Variants in CNIH3 observed in about 807,000 individuals in gnomAD.
CNIH3 encodes cornichon family AMPA receptor auxiliary protein 3.
Under a neutral mutation model 24.1 loss-of-function variants are expected in CNIH3, and 14 were observed. The ratio of observed to expected loss-of-function variants is 0.58; its 90% CI spans 0.38 to 0.91. CNIH3 has a LOEUF of 0.91. Ranked by LOEUF, CNIH3 falls within the 40% of genes least tolerant of loss-of-function variation. The pLI is 0.00. For synonymous variants in CNIH3, 68 were observed against 73.8 expected (o/e 0.92, Z 0.40); for missense variants, 178 against 196.8 (o/e 0.90, Z 0.57).
At chr1:224,453,319 A>G (rs898198717) in intron 1 of CNIH3, among the ~76,000 whole-genome samples, 3 of 151,276 alleles carry the variant, frequency 2.0e-5, no homozygotes, top group African/African-American at 7.3e-5. Context: ...AGCTGGGTCC[A>G]CAGACATGAG....
intron 3 of CNIH3, among the ~76,000 whole-genome samples, chr1:224,727,031 C>T (rs969483651): frequency 1.3e-5 from 2 of 152,184 alleles, no homozygotes; most frequent in Admixed American, 6.5e-5. Flanking sequence ...GGAGGGAACG[C>T]CTGGTCTGAC....
At chr1:224,686,797 A>G (rs373779290) in intron 3 of CNIH3, among the ~76,000 whole-genome samples, 1 of 152,368 alleles carries the variant, frequency 6.6e-6, no homozygotes, top group East Asian at 1.9e-4. Context: ...TGTGGCCCAC[A>G]GACTTGCAGC....
At chr1:224,665,016 A>G (rs1431047026) in intron 1 of CNIH3, 1 of 151,918 alleles carries the variant, frequency 6.6e-6, no homozygotes, top group Non-Finnish European at 1.5e-5. Context: ...TCTAATTTTT[A>G]TTTTCAATTA....
intron 1 of CNIH3, among the ~76,000 whole-genome samples, chr1:224,639,591 T>C (rs538983533): frequency 1.6e-4 from 25 of 152,312 alleles, no homozygotes; most frequent in Admixed American, 1.4e-3. Flanking sequence ...CATCTTAACA[T>C]ATGTCCCTGA....
chr1:224,590,655 G>A (rs1216804687), downstream of CNIH3, among the ~76,000 whole-genome samples: 1 of 152,182 alleles, frequency 6.6e-6, no homozygotes, highest in Non-Finnish European at 1.5e-5. Flanking sequence ...ATCTATTCAT[G>A]AGGGTGGAGC....
At chr1:224,459,691 C>T (rs1340280135) in intron 1 of CNIH3, among the ~76,000 whole-genome samples, 14 of 151,840 alleles carry the variant, frequency 9.2e-5, no homozygotes, top group Non-Finnish European at 2.9e-5. Context: ...ATGGGGGTAG[C>T]GATGTGGAGG....
intron 3 of CNIH3, among the ~76,000 whole-genome samples, chr1:224,597,754 C>G (rs959386261): frequency 3.3e-5 from 5 of 152,206 alleles, no homozygotes; most frequent in Non-Finnish European, 5.9e-5. Context: ...ATAAGAGTTT[C>G]CATGAGTTCT....
downstream of CNIH3, among the ~76,000 whole-genome samples, chr1:224,542,131 T>A (rs60575204): frequency 3.5e-4 from 53 of 152,366 alleles, no homozygotes; most frequent in East Asian, 5.0e-3. Context: ...TTGGCCAGAA[T>A]CTTTCCTATT....
In CNIH3 at chr1:224,486,966, G is replaced by A. The variant is rs570336059; in HGVS notation, n.204-28775G>A. 3.3e-5 allele frequency among the ~76,000 whole-genome samples: 5 copies of A among 152,270 alleles called. No homozygotes were observed. The South Asian group carries it at 6.2e-4, about 19-fold the overall frequency. On this transcript the variant is annotated intron_variant and non_coding_transcript_variant, in intron 1 of 5. Coordinates refer to the CNIH3 transcript ENST00000471578. ...GCTCCGGATGGACTAAAACACTGAC[G>A]AAAGTCACGTAAAGAGCCAGTGACA...
chr1:224,525,721 T>C (rs1463941017), intron 2 of CNIH3, among the ~76,000 whole-genome samples: 1 of 152,044 alleles, frequency 6.6e-6, no homozygotes, highest in African/African-American at 2.4e-5. Context: ...TCAGTCTGAG[T>C]CACAAGTAGG....
intron 1 of CNIH3, among the ~76,000 whole-genome samples, chr1:224,628,826 A>G (rs1558229939): frequency 6.6e-6 from 1 of 151,980 alleles, no homozygotes; most frequent in Non-Finnish European, 1.5e-5. Flanking sequence ...ACTAGCATTT[A>G]ACATCAACAC....
At chr1:224,652,010 G>T (rs753772522) in intron 1 of CNIH3, among the ~76,000 whole-genome samples, 2 of 152,126 alleles carry the variant, frequency 1.3e-5, no homozygotes, top group Non-Finnish European at 2.9e-5. Flanking sequence ...TCCATTAGGT[G>T]TAAAATGATA....
intron 1 of CNIH3, among the ~76,000 whole-genome samples, chr1:224,666,900 CAT>C (rs1379482452): frequency 2.0e-5 from 3 of 152,186 alleles, no homozygotes; most frequent in Non-Finnish European, 4.4e-5. Context: ...ATGCGGTTGA[CAT>C]ATGCCTGCTG....
Position 224,704,185 on chromosome 1 carries a change from G to GCAGGA in CNIH3, c.198+19344_198+19348dup, listed in dbSNP as rs1268608916. ...GTGAGCAGGCTGCATCACCTACAGA[G>GCAGGA]CAGGACCTCCATGAGTCTCAGGTCA... is the stretch of plus-strand genomic sequence containing the variant. On this transcript the variant is annotated intron_variant, in intron 3 of 5. Transcript: ENST00000272133. The surrounding 1 kb of genome is among the most constrained non-coding windows in gnomAD (Gnocchi z 4.2). Among the ~76,000 whole-genome samples, 1 of 152,158 alleles carries GCAGGA rather than the reference G, an allele frequency of 6.6e-6. No homozygotes were observed. The highest frequency in any genetic ancestry group is 6.5e-5 in the Admixed American group (1 of 15,284).
intron 3 of CNIH3, among the ~76,000 whole-genome samples, chr1:224,687,975 G>T (rs1467975964): frequency 1.3e-5 from 2 of 152,166 alleles, no homozygotes; most frequent in Non-Finnish European, 2.9e-5. Flanking sequence ...CTGCAGACTG[G>T]CTGGTGTCAG....
At chr1:224,501,872 C>G (rs1445697339) in intron 1 of CNIH3, among the ~76,000 whole-genome samples, 2 of 129,826 alleles carry the variant, frequency 1.5e-5, no homozygotes, top group Admixed American at 1.4e-4. Flanking sequence ...TGAGCCACTG[C>G]TTTATACAGA....
intron 3 of CNIH3, among the ~76,000 whole-genome samples, chr1:224,707,619 G>A (rs1220812567): frequency 6.6e-6 from 1 of 152,158 alleles, no homozygotes. Context: ...TAGTGAACCA[G>A]CAGCTTTGGC....
chr1:224,611,675 A>G (rs535856067), upstream of CNIH3: 2 of 152,300 alleles, frequency 1.3e-5, no homozygotes, highest in African/African-American at 4.8e-5. Context: ...GTGGGTGGGG[A>G]AAAAAATCAA....
intron 1 of CNIH3, among the ~76,000 whole-genome samples, chr1:224,659,112 A>C (rs1231008891): frequency 2.0e-5 from 3 of 152,212 alleles, no homozygotes; most frequent in Non-Finnish European, 4.4e-5. Flanking sequence ...CTTCTGCTAT[A>C]GTCCCTGGGC....
Sources: gnomAD v4.1 joint callset for allele counts (sites outside exome capture counted in the v4.1 genomes callset) on GRCh38, gnomAD v4.1.1 for gene constraint, Gnocchi (gnomAD v3.1) non-coding constraint, MANE v1.5 for transcripts, NCBI Gene and HGNC (gene_info 2026-07-23, HGNC 2026-07-21) for gene names.